AEBP2: variants seen among roughly 807,000 people sequenced by gnomAD.
AEBP2 encodes the protein AE binding protein 2, also known as zinc finger protein AEBP2.
A neutral mutation model predicts 50.8 loss-of-function variants in AEBP2; 10 were observed. The ratio of observed to expected loss-of-function variants is 0.20; its 90% confidence interval spans 0.12 to 0.33. AEBP2 has a LOEUF of 0.33. Among genes scored for constraint, AEBP2 ranks in the 10% least tolerant of loss-of-function variants. The probability of loss-of-function intolerance (pLI) is 1.00; values close to 1 mark genes in which losing one functional copy is unlikely to be tolerated. For synonymous variants in AEBP2, 296 were observed against 261.3 expected (o/e 1.13, Z -1.28); for missense variants, 570 against 688.0 (o/e 0.83, Z 1.92).
At chr12:19,493,733 C>T (rs1449917892) in intron 3 of AEBP2, 67 bp from the exon 4 acceptor site, 1 of 1,427,244 alleles carries the variant, frequency 7.0e-7, no homozygotes, top group Non-Finnish European at 9.6e-7. Context: ...TAGATATTCA[C>T]TCATTGATAT....
intron 1 of AEBP2, among the ~76,000 whole-genome samples, chr12:19,416,256 C>A (rs1196033413): frequency 6.6e-6 from 1 of 152,182 alleles, no homozygotes; most frequent in Non-Finnish European, 1.5e-5. Flanking sequence ...ATCTAAAAGT[C>A]ATTCATGTCC....
chr12:19,501,797 GTTTTT>G (rs754195220), intron 5 of AEBP2, among the ~76,000 whole-genome samples: 23 of 70,872 alleles, frequency 3.2e-4, no homozygotes, highest in Admixed American at 1.4e-3. Context: ...AAATGAGTTT[GTTTTT>G]TTTTTTTTTT....
intron 1 of AEBP2, among the ~76,000 whole-genome samples, chr12:19,424,687 C>A (rs957203904): frequency 6.6e-6 from 1 of 151,936 alleles, no homozygotes; most frequent in Non-Finnish European, 1.5e-5. Context: ...TGAGCCACCG[C>A]GCCCGGCCTA....
chr12:19,457,705 G>T, intron 1 of AEBP2: 1 of 1,087,828 alleles, frequency 9.2e-7, no homozygotes, highest in South Asian at 2.7e-5. Context: ...AACCCATTGT[G>T]AAAAGAAAAA....
chr12:19,439,669 A>C lies in AEBP2; in HGVS notation c.-31A>C. 1 of 244,598 alleles carries C rather than the reference A, an allele frequency of 4.1e-6. No homozygotes were observed. The highest frequency in any genetic ancestry group is 6.7e-6 in the Non-Finnish European group (1 of 149,260). The allele number at this position is 244,598 out of a possible 1,614,324, so 15.2% of individuals were successfully genotyped here. A position where few individuals can be genotyped will look rare whatever the true frequency, so the allele number is the denominator to read the frequency against. On this transcript the variant is annotated 5_prime_UTR_variant, in exon 1 of 8. Coordinates refer to ENST00000266508, the MANE Select transcript of AEBP2 (RefSeq NM_153207.5). The stretch of plus-strand genomic sequence containing the variant: ...TCGAGAGAGGGAGGCGGCGGTGGGG[A>C]GGAGGAGGAGGAGGAGGAGCAGGCG...
chr12:19,495,506 G>GAA (rs1948963380), intron 4 of AEBP2, among the ~76,000 whole-genome samples: 1 of 149,374 alleles, frequency 6.7e-6, no homozygotes, highest in Non-Finnish European at 1.5e-5. Flanking sequence ...CATTAACTGA[G>GAA]AAAAGTAAAC....
chr12:19,479,736 T>TTTTTTTTTTTTTTTTTTTTTTTTTG (rs1948699854), intron 3 of AEBP2, among the ~76,000 whole-genome samples: 1 of 136,978 alleles, frequency 7.3e-6, no homozygotes, highest in Non-Finnish European at 1.6e-5. Context: ...TTTTTTTTTT[T>TTTTTTTTTTTTTTTTTTTTTTTTTG]TTTTTTTTTT....
intron 3 of AEBP2, among the ~76,000 whole-genome samples, chr12:19,489,999 T>G (rs1751594106): frequency 7.2e-6 from 1 of 139,050 alleles, no homozygotes; most frequent in Non-Finnish European, 1.6e-5. Flanking sequence ...ACTTTTTTTT[T>G]TTTTTTTTTT....
chr12:19,449,918 G>A (rs1948137180), intron 1 of AEBP2, among the ~76,000 whole-genome samples: 1 of 152,102 alleles, frequency 6.6e-6, no homozygotes, highest in Admixed American at 6.6e-5. Context: ...AGGTTTATAG[G>A]TGGCTACAAA....
At chr12:19,472,716 G>A (rs977322278) in intron 2 of AEBP2, among the ~76,000 whole-genome samples, 2 of 152,096 alleles carry the variant, frequency 1.3e-5, no homozygotes, top group African/African-American at 4.8e-5. Flanking sequence ...ATGCATGTGA[G>A]ACCAGGATAT....
At chr12:19,493,729 T>G in intron 3 of AEBP2, 71 bp from the exon 4 acceptor site, 2 of 1,400,488 alleles carry the variant, frequency 1.4e-6, no homozygotes, top group Non-Finnish European at 9.8e-7. Flanking sequence ...ATACTAGATA[T>G]TCACTCATTG....
intron 5 of AEBP2, 68 bp downstream of exon 5, chr12:19,500,289 C>G (rs1949048540): frequency 7.6e-7 from 1 of 1,310,394 alleles, no homozygotes; most frequent in Non-Finnish European, 1.0e-6. Flanking sequence ...ACAATCATTT[C>G]TAAATCTCTC....
At chr12:19,497,195 A>G (rs1948995738) in intron 4 of AEBP2, among the ~76,000 whole-genome samples, 2 of 151,760 alleles carry the variant, frequency 1.3e-5, no homozygotes, top group Admixed American at 1.3e-4. Flanking sequence ...CTTAAGATGC[A>G]TCTCCTAAGA....
intron 3 of AEBP2, among the ~76,000 whole-genome samples, chr12:19,485,658 G>A (rs1948796380): frequency 1.3e-5 from 2 of 148,944 alleles, no homozygotes; most frequent in Non-Finnish European, 3.0e-5. Flanking sequence ...GCAGTGAGCT[G>A]AGACTGCACT....
chr12:19,508,860 GCTTT>G (rs1262920249), intron 5 of AEBP2: 1 of 208,412 alleles, frequency 4.8e-6, no homozygotes, highest in Non-Finnish European at 1.0e-5. Flanking sequence ...TATTTCAAAG[GCTTT>G]CTTCTTCCTC....
intron 1 of AEBP2, among the ~76,000 whole-genome samples, chr12:19,430,379 T>C (rs1364395144): frequency 6.6e-6 from 1 of 152,090 alleles, no homozygotes; most frequent in Admixed American, 6.6e-5. Flanking sequence ...GTTACTGTAG[T>C]CTTGTAGTAT....
intron 5 of AEBP2, among the ~76,000 whole-genome samples, chr12:19,504,244 TA>T (rs1949123019): frequency 6.6e-6 from 1 of 151,182 alleles, no homozygotes; most frequent in Admixed American, 6.6e-5. Flanking sequence ...TAGTTGTATA[TA>T]TTTTTTTGAG....
chr12:19,516,310 A>G (rs1012022987), intron 7 of AEBP2, among the ~76,000 whole-genome samples: 1 of 152,112 alleles, frequency 6.6e-6, no homozygotes. Flanking sequence ...CTTTGGAGAG[A>G]TGAATTAAAA....
intron 1 of AEBP2, among the ~76,000 whole-genome samples, chr12:19,425,319 G>A (rs2095747967): frequency 1.3e-5 from 2 of 152,190 alleles, no homozygotes; most frequent in African/African-American, 4.8e-5. Context: ...CATCATGCTA[G>A]CTGGTATTTT....
Sources: gnomAD v4.1 joint callset for allele counts (sites outside exome capture counted in the v4.1 genomes callset) on GRCh38, gnomAD v4.1.1 for gene constraint, MANE v1.5 for transcripts, NCBI Gene and HGNC (gene_info 2026-07-23, HGNC 2026-07-21) for gene names.